RSF1: variants seen among roughly 807,000 people sequenced by gnomAD.
RSF1 encodes remodeling and spacing factor 1.
RSF1 carries 13 observed loss-of-function variants against 145.2 expected under a neutral mutation model. That is an observed-to-expected ratio of 0.09 (90% CI 0.06 to 0.14). The LOEUF is 0.14. RSF1 is among the 10% of genes least tolerant of loss of function. RSF1 has a pLI of 1.00. For synonymous variants in RSF1, 577 were observed against 592.6 expected (o/e 0.97, Z 0.38); for missense variants, 1,517 against 1,718.2 (o/e 0.88, Z 2.07).
At position 77,820,574 on chromosome 11, in the gene RSF1, C is replaced by T; in HGVS notation, c.141G>A (p.Leu47=). 1.3e-6 allele frequency: 2 copies of T among 1,558,290 alleles called. No homozygotes were observed. Among genetic ancestry groups the T allele is most frequent in the Non-Finnish European group, 1.7e-6 (2 of 1,152,352 alleles). ...GCGGCGGCGCCTGCAGCACCCGCTC[C>T]AGCTCAGGGAACGGCAACTCAGGCA... ...LDLPELPFPE[L]ERVLQAPPPD... The change falls in exon 1 of 16, where the codon CTG becomes CTA. Residue 47 remains leucine (L), a synonymous_variant. Coordinates refer to ENST00000308488, the MANE Select transcript of RSF1 (RefSeq NM_016578.4).
the RSF1 span, among the ~76,000 whole-genome samples, chr11:77,854,140 G>GCCA: frequency 2.0e-5 from 3 of 151,560 alleles, no homozygotes; most frequent in Non-Finnish European, 2.9e-5. Flanking sequence ...ACAGGCGCCC[G>GCCA]CCACCACACC....
chr11:77,771,202 C>T (rs1948282115), intron 1 of RSF1, among the ~76,000 whole-genome samples: 1 of 152,130 alleles, frequency 6.6e-6, no homozygotes, highest in Non-Finnish European at 1.5e-5. Context: ...AATTTCTCTG[C>T]CCAGTAATTT....
intron 1 of RSF1, among the ~76,000 whole-genome samples, chr11:77,815,173 C>T (rs188574290): frequency 6.6e-6 from 1 of 152,238 alleles, no homozygotes; most frequent in Admixed American, 6.5e-5. Context: ...CCCAACAGTA[C>T]AAGAGCGAGC....
intron 1 of RSF1, among the ~76,000 whole-genome samples, chr11:77,788,165 A>AAAAAAAAAAAAAAAAAAAAAAAAG (rs1948478128): frequency 7.3e-6 from 1 of 137,654 alleles, no homozygotes; most frequent in Non-Finnish European, 1.6e-5. Context: ...AAAAAAAAAA[A>AAAAAAAAAAAAAAAAAAAAAAAAG]AAAAAAAAAA....
At chr11:77,847,433 T>A in the RSF1 span, among the ~76,000 whole-genome samples, 1 of 152,228 alleles carries the variant, frequency 6.6e-6, no homozygotes, top group African/African-American at 2.4e-5. Flanking sequence ...TAACACATAT[T>A]CTTTGTTCAT....
chr11:77,823,808 C>T (rs1214581136), upstream of RSF1, among the ~76,000 whole-genome samples: 1 of 151,604 alleles, frequency 6.6e-6, no homozygotes, highest in African/African-American at 2.4e-5. Context: ...ACCTTCAAAC[C>T]TAAAAGGAAG....
chr11:77,847,647 G>A, the RSF1 span, among the ~76,000 whole-genome samples: 1 of 152,220 alleles, frequency 6.6e-6, no homozygotes, highest in Non-Finnish European at 1.5e-5. Flanking sequence ...TCAGAGTGAA[G>A]TTGGAAAATG....
chr11:77,798,142 C>T (rs145166178), intron 1 of RSF1, among the ~76,000 whole-genome samples: 21 of 152,254 alleles, frequency 1.4e-4, no homozygotes, highest in Middle Eastern at 3.4e-3. Flanking sequence ...TTTGACCCAG[C>T]GATCCCATTA....
intron 11 of RSF1, among the ~76,000 whole-genome samples, chr11:77,679,334 G>A (rs767539512): frequency 1.2e-4 from 19 of 152,174 alleles, no homozygotes; most frequent in Non-Finnish European, 2.1e-4. Flanking sequence ...AAATCACATG[G>A]CAAAGTAAGT....
At chr11:77,683,637 A>G (rs745362843) in intron 11 of RSF1, 73 bp downstream of exon 11, 143 of 904,566 alleles carry the variant, frequency 1.6e-4, no homozygotes, top group Non-Finnish European at 2.3e-4. Context: ...GAAAAAGCAT[A>G]TACTTCTGGA....
chr11:77,794,154 A>G (rs1948549228), intron 1 of RSF1, among the ~76,000 whole-genome samples: 1 of 152,208 alleles, frequency 6.6e-6, no homozygotes, highest in South Asian at 2.1e-4. Flanking sequence ...ATCAACAAAC[A>G]TGGATTTAAA....
intron 9 of RSF1, among the ~76,000 whole-genome samples, chr11:77,688,228 G>A (rs1960061088): frequency 6.6e-6 from 1 of 152,184 alleles, no homozygotes; most frequent in Non-Finnish European, 1.5e-5. Flanking sequence ...GGAGGCAGAG[G>A]TTGCAGTGAG....
chr11:77,692,482 G>T (rs1481262168), intron 8 of RSF1, among the ~76,000 whole-genome samples: 1 of 138,228 alleles, frequency 7.2e-6, no homozygotes, highest in East Asian at 2.1e-4. Flanking sequence ...CTGACCTCGT[G>T]ATCCGCCCGC....
chr11:77,672,148 A>G lies in RSF1; in HGVS notation c.3645T>C (p.Ile1215=), dbSNP rs150531280. 6.6e-5 allele frequency: 107 copies of G among 1,613,888 alleles called. 1 individual carries two copies. The African/African-American group carries it at 1.3e-3, about 20-fold the overall frequency. Residue 1215 remains isoleucine, a synonymous_variant, in exon 15 of 16, where the codon ATT becomes ATC. Transcript: ENST00000308488. The part of the protein sequence containing the change: ...RRSRRNQKRQ[I]NYKEDSESDG... ...CACTTTCTGAGTCTTCTTTGTAGTT[A>G]ATTTGTCTTTTCTGATTTCTCCTTG...
intron 5 of RSF1, chr11:77,702,715 A>C (rs1386658911): frequency 1.7e-5 from 6 of 357,568 alleles, no homozygotes; most frequent in African/African-American, 1.0e-4. Context: ...AGAAAAATTT[A>C]GGTTTCTGCT....
chr11:77,677,093 G>T, intron 12 of RSF1, 94 bp from the exon 13 acceptor site: 1 of 910,110 alleles, frequency 1.1e-6, no homozygotes, highest in Non-Finnish European at 1.7e-6. Context: ...TTCATGCTTA[G>T]CAGCTCTTCA....
chr11:77,672,395 C>T (rs970648597), intron 14 of RSF1, among the ~76,000 whole-genome samples, 165 bp from the exon 15 acceptor site: 3 of 152,136 alleles, frequency 2.0e-5, no homozygotes, highest in Non-Finnish European at 4.4e-5. Context: ...ATCTCACTAT[C>T]ACACAGGCTG....
intron 1 of RSF1, among the ~76,000 whole-genome samples, chr11:77,798,785 T>C (rs1271618263): frequency 6.7e-6 from 1 of 150,124 alleles, no homozygotes; most frequent in East Asian, 2.0e-4. Context: ...AGTTGAACAA[T>C]GAACACATGG....
intron 1 of RSF1, among the ~76,000 whole-genome samples, chr11:77,811,827 G>C (rs569088469): frequency 6.6e-6 from 1 of 152,288 alleles, no homozygotes; most frequent in Non-Finnish European, 1.5e-5. Flanking sequence ...TCTGATCTGA[G>C]TGACTTGGGT....
Sources: gnomAD v4.1 joint callset for allele counts (sites outside exome capture counted in the v4.1 genomes callset) on GRCh38, gnomAD v4.1.1 for gene constraint, MANE v1.5 for transcripts, NCBI Gene and HGNC (gene_info 2026-07-23, HGNC 2026-07-21) for gene names.